The following ICA1 variants were observed in gnomAD, a reference collection of about 807,000 sequenced individuals.
ICA1 encodes 69 kDa islet cell autoantigen.
ICA1 carries 40 observed loss-of-function variants against 71.0 expected under a neutral mutation model. That is an observed-to-expected ratio of 0.56 (90% CI 0.44 to 0.73). The LOEUF (loss-of-function observed/expected upper bound fraction) is 0.73. Among genes scored for constraint, ICA1 ranks in the 30% least tolerant of loss-of-function variants. The pLI, the probability that ICA1 is intolerant of heterozygous loss-of-function variation, is 0.00. For missense variants in ICA1, 578 were observed against 576.5 expected, an observed-to-expected ratio of 1.00 and a Z score of -0.03; for synonymous variants, 207 against 209.5, an observed-to-expected ratio of 0.99 and a Z score of 0.10.
At chr7:8,210,244 A>G (rs1477491739) in intron 6 of ICA1, among the ~76,000 whole-genome samples, 1 of 152,192 alleles carries the variant, frequency 6.6e-6, no homozygotes, top group Non-Finnish European at 1.5e-5. Flanking sequence ...AATTATTAGA[A>G]ACAAGAGGCC....
chr7:8,182,880 G>A (rs1369368387), intron 6 of ICA1, among the ~76,000 whole-genome samples: 1 of 152,200 alleles, frequency 6.6e-6, no homozygotes, highest in Admixed American at 6.5e-5. Context: ...CACATGGGGA[G>A]ATTATATCCT....
intron 12 of ICA1, among the ~76,000 whole-genome samples, chr7:8,137,681 C>A (rs1356144692): frequency 6.6e-6 from 1 of 152,164 alleles, no homozygotes; most frequent in Admixed American, 6.5e-5. Flanking sequence ...ATAAAATATT[C>A]ATGGGCATTC....
In ICA1 at chr7:8,157,201, T is replaced by C; in HGVS notation, c.719A>G (p.His240Arg). ...MLATYQTTLL[H>R]FWEKTSHTMA... is the part of the protein sequence containing the mutation. ...AGTGTGAGAAGTTTTCTCCCAAAAATGAAGCAGAGTGGTCTGCAAAGAAAG... is the reference window on the plus strand; with the variant it reads ...AGTGTGAGAAGTTTTCTCCCAAAAACGAAGCAGAGTGGTCTGCAAAGAAAG... Residue 240 changes from histidine to arginine, a missense_variant, in exon 8 of 14, where the codon CAT becomes CGT. Physicochemically the swap from His to Arg is conservative, Grantham distance 29 (BLOSUM62 0). Coordinates refer to ENST00000402384, the MANE Select transcript of ICA1 (RefSeq NM_001136020.3). The C allele has an allele frequency of 1.9e-6, 3 of 1,605,740 alleles. No individual in the cohort carries two copies. Among genetic ancestry groups the C allele is most frequent in the Non-Finnish European group, 2.5e-6 (3 of 1,177,476 alleles).
chr7:8,121,359 G>A (rs779714051), intron 13 of ICA1, among the ~76,000 whole-genome samples: 4 of 152,162 alleles, frequency 2.6e-5, no homozygotes, highest in South Asian at 2.1e-4. Context: ...GAAATACGAT[G>A]GTGAGCAACA....
At chr7:8,125,323 C>T (rs1012407981) in intron 13 of ICA1, among the ~76,000 whole-genome samples, 1 of 152,198 alleles carries the variant, frequency 6.6e-6, no homozygotes, top group African/African-American at 2.4e-5. Context: ...CTCCCCCTTG[C>T]TTAGTCAGCT....
intron 2 of ICA1, 142 bp downstream of exon 2, chr7:8,235,768 T>C: frequency 1.3e-6 from 1 of 748,668 alleles, no homozygotes; most frequent in South Asian, 1.9e-5. Flanking sequence ...ACAGAGATAC[T>C]GAATTTGGCT....
At chr7:8,161,633 G>T (rs1246765844) in intron 6 of ICA1, among the ~76,000 whole-genome samples, 4 of 152,186 alleles carry the variant, frequency 2.6e-5, no homozygotes, top group Non-Finnish European at 5.9e-5. Flanking sequence ...ACCAGCTGGA[G>T]GGGGGTGAGA....
In ICA1 at chr7:8,157,167, G is replaced by A. The variant is rs1801911873; in HGVS notation, c.753C>T (p.Ala251=). ...FWEKTSHTMA[A]IHESFKGYQP... ...GATAACCTTTGAAACTCTCATGGAT[G>A]GCTGCCATAGTGTGAGAAGTTTTCT... The change falls in exon 8 of 14, where the codon GCC becomes GCT. Residue 251 remains alanine (A), a synonymous_variant. Transcript: ENST00000402384. The A allele has an allele frequency of 1.9e-6, 3 of 1,611,922 alleles. No individual in the cohort carries two copies. The highest frequency in any genetic ancestry group is 2.5e-6 in the Non-Finnish European group (3 of 1,179,538).
intron 6 of ICA1, among the ~76,000 whole-genome samples, chr7:8,174,653 G>A (rs1290100175): frequency 6.6e-6 from 1 of 151,248 alleles, no homozygotes; most frequent in East Asian, 1.9e-4. Context: ...AAATCAGCTG[G>A]GTGTGGTGGT....
intron 6 of ICA1, among the ~76,000 whole-genome samples, chr7:8,211,221 T>C (rs527427707): frequency 2.2e-4 from 33 of 152,266 alleles, no homozygotes; most frequent in Admixed American, 2.0e-3. Flanking sequence ...ATTTTTTTTT[T>C]CCCTTGGAGA....
chr7:8,147,724 ACACAC>A (rs1413552510), intron 8 of ICA1, among the ~76,000 whole-genome samples: 1 of 123,034 alleles, frequency 8.1e-6, no homozygotes, highest in Admixed American at 8.4e-5. Context: ...ACACACACAC[ACACAC>A]AAGCTTAACT....
intron 4 of ICA1, 96 bp downstream of exon 4, chr7:8,228,505 C>T (rs778080613): frequency 4.5e-6 from 3 of 673,776 alleles, no homozygotes; most frequent in Non-Finnish European, 7.3e-6. Flanking sequence ...CAGACAAACA[C>T]TCTTAGTTTC....
At chr7:8,257,802 G>A (rs556561283) in intron 1 of ICA1, among the ~76,000 whole-genome samples, 32 of 152,240 alleles carry the variant, frequency 2.1e-4, no homozygotes, top group African/African-American at 7.5e-4. Flanking sequence ...ACACTAATTA[G>A]TGCATCTAAT....
intron 8 of ICA1, among the ~76,000 whole-genome samples, chr7:8,147,145 C>G (rs985721639): frequency 6.6e-6 from 1 of 152,116 alleles, no homozygotes; most frequent in African/African-American, 2.4e-5. Context: ...GCTGCCACAG[C>G]GCTTGCCTAA....
chr7:8,152,621 T>TACC (rs1562699831), intron 8 of ICA1, among the ~76,000 whole-genome samples: 42 of 69,452 alleles, frequency 6.0e-4, no homozygotes, highest in Non-Finnish European at 9.4e-4. Context: ...CCATCACCTC[T>TACC]TCCACCACTA....
intron 10 of ICA1, among the ~76,000 whole-genome samples, chr7:8,140,342 G>C (rs1383717421): frequency 6.6e-6 from 1 of 152,140 alleles, no homozygotes; most frequent in Non-Finnish European, 1.5e-5. Flanking sequence ...TCTGGAGCAT[G>C]GTTTCTCTGA....
At chr7:8,211,004 G>C (rs1051434149) in intron 6 of ICA1, among the ~76,000 whole-genome samples, 3 of 152,178 alleles carry the variant, frequency 2.0e-5, no homozygotes, top group Non-Finnish European at 2.9e-5. Context: ...TGCACTTTGG[G>C]TTGGAGGAAG....
intron 6 of ICA1, among the ~76,000 whole-genome samples, chr7:8,214,613 A>G (rs559554447): frequency 6.6e-6 from 1 of 152,214 alleles, no homozygotes; most frequent in East Asian, 1.9e-4. Context: ...TGAAGGCTGG[A>G]CTCACGCTTT....
chr7:8,247,641 T>G (rs1806555881), intron 1 of ICA1, among the ~76,000 whole-genome samples: 2 of 152,170 alleles, frequency 1.3e-5, no homozygotes, highest in African/African-American at 4.8e-5. Context: ...GAGTCAGTTT[T>G]TCCCTAGCTG....
Sources: allele counts gnomAD v4.1 joint callset (sites outside exome capture counted in the v4.1 genomes callset), GRCh38; gene constraint gnomAD v4.1.1; transcripts MANE v1.5; gene names NCBI Gene and HGNC (gene_info 2026-07-23, HGNC 2026-07-21).